ATR: variants seen among roughly 807,000 people sequenced by gnomAD.
ATR encodes serine/threonine-protein kinase ATR.
ATR carries 142 observed loss-of-function variants against 305.3 expected under a neutral mutation model. That is an observed-to-expected ratio of 0.47 (90% CI 0.41 to 0.53). The LOEUF (loss-of-function observed/expected upper bound fraction) is 0.53. Among genes scored for constraint, ATR ranks in the 20% least tolerant of loss-of-function variants. The pLI, the probability that ATR is intolerant of heterozygous loss-of-function variation, is 0.00. For synonymous variants in ATR, 1,050 were observed against 1,068.1 expected (o/e 0.98, Z 0.33); for missense variants, 2,135 against 3,133.1 (o/e 0.68, Z 7.60).
chr3:142,495,651 G>A (rs909212420), intron 34 of ATR, among the ~76,000 whole-genome samples: 3 of 152,118 alleles, frequency 2.0e-5, no homozygotes, highest in East Asian at 1.9e-4. Flanking sequence ...GGCTGAGGCA[G>A]GAGAATCACT....
At chr3:142,455,631 G>A (rs141694985) in intron 45 of ATR, among the ~76,000 whole-genome samples, 62 of 152,278 alleles carry the variant, frequency 4.1e-4, no homozygotes, top group African/African-American at 1.5e-3. Flanking sequence ...ATAATTAAAC[G>A]AGGGGCAAAA....
chr3:142,477,339 A>G lies in ATR; in HGVS notation c.6222-7156T>C, dbSNP rs12108045. The stretch of plus-strand genomic sequence containing the variant: ...TTTGTCAAAGGCCTTTTCTGCATCT[A>G]TTGACATAATCATGTGGTTTTTGTC... On this transcript the variant is annotated intron_variant, in intron 36 of 46. Coordinates refer to ENST00000350721, the MANE Select transcript of ATR (RefSeq NM_001184.4). Among the ~76,000 whole-genome samples, 1,006 of 152,278 alleles carry G rather than the reference A, an allele frequency of 6.6e-3. 12 individuals carry two copies. The highest frequency in any genetic ancestry group is 0.015 in the African/African-American group (635 of 41,542).
chr3:142,449,507 A>G lies in ATR; in HGVS notation c.7857T>C (p.His2619=), dbSNP rs368061331. The change falls in exon 47 of 47, where the codon CAT becomes CAC. Residue 2619 remains histidine (H), a synonymous_variant. Transcript: ENST00000350721. ...TAGCTTCCTGTATAAGGTAATGCACATGTCCTTCAATAGATAACGGCAGTC... is the reference window on the plus strand; with the variant it reads ...TAGCTTCCTGTATAAGGTAATGCACGTGTCCTTCAATAGATAACGGCAGTC... ...VTGLPLSIEG[H]VHYLIQEATD... is the part of the protein sequence containing the mutation. 3.7e-6 allele frequency: 6 copies of G among 1,613,600 alleles called. No homozygotes were observed. Among genetic ancestry groups the G allele is most frequent in the Non-Finnish European group, 5.1e-6 (6 of 1,179,484 alleles).
chr3:142,499,531 T>G, intron 31 of ATR, 96 bp downstream of exon 31: 1 of 1,072,330 alleles, frequency 9.3e-7, no homozygotes, highest in Non-Finnish European at 1.4e-6. Context: ...CCTGACCTCA[T>G]GATCCGCCCG....
chr3:142,563,359 T>C (rs1218123544), intron 3 of ATR, among the ~76,000 whole-genome samples: 1 of 152,228 alleles, frequency 6.6e-6, no homozygotes, highest in Non-Finnish European at 1.5e-5. Flanking sequence ...ATCAGTGCCA[T>C]TTTTCCAATA....
At chr3:142,538,854 A>C (rs1269932003) in intron 18 of ATR, among the ~76,000 whole-genome samples, 1 of 151,762 alleles carries the variant, frequency 6.6e-6, no homozygotes, top group Non-Finnish European at 1.5e-5. Flanking sequence ...ATTAATAATA[A>C]AAAAAAAGTA....
At chr3:142,483,857 G>GAAATA (rs1368253986) in intron 36 of ATR, among the ~76,000 whole-genome samples, 3 of 148,334 alleles carry the variant, frequency 2.0e-5, no homozygotes, top group South Asian at 2.1e-4. Flanking sequence ...AAAATAAAAT[G>GAAATA]AAATAAAATA....
intron 25 of ATR, among the ~76,000 whole-genome samples, chr3:142,514,448 G>A (rs1188661267): frequency 3.3e-5 from 5 of 151,626 alleles, no homozygotes; most frequent in South Asian, 2.1e-4. Flanking sequence ...TGGCTAACAC[G>A]GTGAAACCCC....
At chr3:142,497,279 T>C in intron 32 of ATR, 87 bp from the exon 33 acceptor site, 1 of 1,341,174 alleles carries the variant, frequency 7.5e-7, no homozygotes, top group Non-Finnish European at 1.0e-6. Flanking sequence ...AAATCAGAAA[T>C]AAAGAATTTA....
At chr3:142,558,100 G>C (rs536236214) in intron 8 of ATR, among the ~76,000 whole-genome samples, 17 of 152,036 alleles carry the variant, frequency 1.1e-4, no homozygotes, top group Non-Finnish European at 2.5e-4. Context: ...GGATATGTGG[G>C]GCAGGCTTTT....
intron 46 of ATR, chr3:142,450,443 A>G: frequency 1.3e-6 from 2 of 1,599,518 alleles, no homozygotes; most frequent in Non-Finnish European, 1.7e-6. Context: ...TTGAGACTAC[A>G]TCACCACAGA....
chr3:142,565,733 TAAAAAAAAA>T (rs55690216), intron 3 of ATR, among the ~76,000 whole-genome samples: 4 of 79,332 alleles, frequency 5.0e-5, no homozygotes, highest in African/African-American at 5.2e-5. Context: ...CTGTCTTATT[TAAAAAAAAA>T]AAAAAAAAAA....
Position 142,536,177 on chromosome 3 carries a change from A to G in ATR, c.3750T>C (p.His1250=). Residue 1250 remains histidine (H), a synonymous_variant, in exon 20 of 47, where the codon CAT becomes CAC. Transcript: ENST00000350721. ...GATGATCAGGTAAAAAATATATTTC[A>G]TGAAGAAAATCTTGCACAGCATCCC... is the stretch of plus-strand genomic sequence containing the variant. The part of the protein sequence containing the change: ...ENRDAVQDFL[H]EIYFLPDHPE... 1.9e-6 allele frequency: 3 copies of G among 1,589,750 alleles called. No homozygotes were observed. Among genetic ancestry groups the G allele is most frequent in the Non-Finnish European group, 2.6e-6 (3 of 1,158,238 alleles).
Position 142,512,280 on chromosome 3 carries a change from C to T in ATR, c.4832G>A (p.Arg1611Lys), listed in dbSNP as rs2108371133. 6.4e-7 allele frequency: 1 copy of T among 1,558,662 alleles called. No individual in the cohort carries two copies. Among genetic ancestry groups the T allele is most frequent in the South Asian group, 1.1e-5 (1 of 90,340 alleles). ...CTCACCCATTGAGTCTACCTTATTT[C>T]TGTTTGATTTGCTGTGTGGACATTT... ...AEKCPHSKSN[R>K]NKVDSMVSTV... The change falls in exon 27 of 47, where the codon AGA (arginine) becomes AAA (lysine). Residue 1611 changes from arginine (R) to lysine (K), a missense_variant. Transcript: ENST00000350721.
At chr3:142,469,170 TAA>T (rs2071197805) in intron 38 of ATR, among the ~76,000 whole-genome samples, 165 bp downstream of exon 38, 1 of 152,166 alleles carries the variant, frequency 6.6e-6, no homozygotes, top group African/African-American at 2.4e-5. Context: ...ATCCAAATAT[TAA>T]GATATAATGC....
chr3:142,545,321 G>A (rs1182531655), intron 16 of ATR, among the ~76,000 whole-genome samples: 1 of 151,884 alleles, frequency 6.6e-6, no homozygotes, highest in African/African-American at 2.4e-5. Context: ...GGGTACTCAG[G>A]AAACTCTTGA....
chr3:142,506,238 G>C (rs1416066421), intron 28 of ATR, among the ~76,000 whole-genome samples: 3 of 152,156 alleles, frequency 2.0e-5, no homozygotes, highest in African/African-American at 7.2e-5. Context: ...TAAAGGAGAA[G>C]GTAGGATTTA....
intron 1 of ATR, among the ~76,000 whole-genome samples, chr3:142,574,763 C>A (rs910338690): frequency 5.9e-5 from 9 of 152,134 alleles, no homozygotes; most frequent in Non-Finnish European, 1.2e-4. Flanking sequence ...GGACACTCAG[C>A]CCTGAGCAGG....
At chr3:142,465,465 TAAA>T in intron 40 of ATR, 1 of 298,282 alleles carries the variant, frequency 3.4e-6, no homozygotes, top group Non-Finnish European at 6.1e-6. Context: ...AGCTATGACA[TAAA>T]AAGATTACTT....
Sources: allele counts gnomAD v4.1 joint callset (sites outside exome capture counted in the v4.1 genomes callset), GRCh38; gene constraint gnomAD v4.1.1; transcripts MANE v1.5; gene names NCBI Gene and HGNC (gene_info 2026-07-23, HGNC 2026-07-21).